Variants in NLRP2 observed in about 807,000 individuals in gnomAD.
The protein encoded by NLRP2 is NACHT, LRR and PYD domains-containing protein 2.
A neutral mutation model predicts 97.2 loss-of-function variants in NLRP2; 107 were observed. That is an observed-to-expected ratio of 1.10 (90% CI 0.94 to 1.29). NLRP2 has a LOEUF of 1.29. Among genes scored for constraint, NLRP2 ranks in the 50% most tolerant of loss-of-function variants. The pLI is 0.00. For missense variants in NLRP2, 1,495 were observed against 1,330.3 expected (o/e 1.12, Z -1.93); for synonymous variants, 663 against 551.5 (o/e 1.20, Z -2.83).
In NLRP2 at chr19:54,982,432, TCAGCTGCAGGGAGCTCAGC is replaced by T. The variant is rs2071645079; in HGVS notation, c.736_754del (p.Ser246AlafsTer26). On this transcript the variant is annotated frameshift_variant, in exon 6 of 13. Transcript: ENST00000448584. LOFTEE classifies it high-confidence loss of function. ...CACAAATTCAAATATGCGTTCTACCTCAGCTGCAGGGAGCTCAGCCGCCTGGGCCCGTGCAGTTTTGCAG... is the reference window on the plus strand; with the variant it reads ...CACAAATTCAAATATGCGTTCTACCTCGCCTGGGCCCGTGCAGTTTTGCAG... 1 of 1,613,992 alleles carries T rather than the reference TCAGCTGCAGGGAGCTCAGC, an allele frequency of 6.2e-7. No individual in the cohort carries two copies. The highest frequency in any genetic ancestry group is 1.3e-5 in the African/African-American group (1 of 74,920).
At chr19:54,969,147 G>A (rs963801608) in intron 1 of NLRP2, among the ~76,000 whole-genome samples, 6 of 151,972 alleles carry the variant, frequency 3.9e-5, no homozygotes, top group African/African-American at 1.5e-4. Context: ...GAGTGTTTTC[G>A]CTTTATAGGT....
chr19:54,971,436 C>T (rs957897303), intron 2 of NLRP2, among the ~76,000 whole-genome samples: 4 of 152,104 alleles, frequency 2.6e-5, no homozygotes, highest in African/African-American at 4.8e-5. Flanking sequence ...ACAGTCCCAC[C>T]AACAGTGTGA....
In NLRP2 at chr19:54,968,701, C is replaced by CTTTTTTTTTT. The variant is rs61212213; in HGVS notation, c.-17-1295_-17-1286dup. Among the ~76,000 whole-genome samples the CTTTTTTTTTT allele has an allele frequency of 1.9e-3, 216 of 114,326 alleles. 11 individuals carry two copies. Among genetic ancestry groups the CTTTTTTTTTT allele is most frequent in the Middle Eastern group, 4.4e-3 (1 of 226 alleles). 75.0% of individuals were successfully genotyped at this position (114,326 alleles called of 152,430 possible). A position where few individuals can be genotyped will look rare whatever the true frequency, so the allele number is the denominator to read the frequency against. On this transcript the variant is annotated intron_variant, in intron 1 of 12. Transcript: ENST00000448584. Reference sequence around the variant, plus strand: ...CTCCACCACTAAGTTATCTTTAAGCCTTTTTTTTTTTTGAGACAGTTTCAC... The same window carrying CTTTTTTTTTT: ...CTCCACCACTAAGTTATCTTTAAGCCTTTTTTTTTTTTTTTTTTTTTTGAGACAGTTTCAC...
chr19:54,997,215 G>A, intron 11 of NLRP2, 102 bp from the exon 12 acceptor site: 1 of 1,224,658 alleles, frequency 8.2e-7, no homozygotes, highest in Non-Finnish European at 1.2e-6. Context: ...TGAGACTTCT[G>A]TTGGTCATGC....
chr19:54,994,436 T>C lies in NLRP2; in HGVS notation c.2876T>C (p.Leu959Pro), dbSNP rs1405144466. The C allele has an allele frequency of 6.2e-7, 1 of 1,612,600 alleles. No homozygotes were observed. Among genetic ancestry groups the C allele is most frequent in the Non-Finnish European group, 8.5e-7 (1 of 1,179,940 alleles). Residue 959 changes from leucine (L) to proline (P), a missense_variant, in exon 11 of 13, where the codon CTG (leucine) becomes CCG (proline). Leu to Pro is a moderately conservative substitution (Grantham distance 98). Transcript: ENST00000448584. ...AAACCACTGTGCAACTTGAGATGTCTGTGGTGAGTTAACTTATAAGTTCAA... is the reference window on the plus strand; with the variant it reads ...AAACCACTGTGCAACTTGAGATGTCCGTGGTGAGTTAACTTATAAGTTCAA... Reference protein sequence around the residue: ...LRKPLCNLRCLWLWGCSIPPF... With the variant: ...LRKPLCNLRCPWLWGCSIPPF...
intron 12 of NLRP2, among the ~76,000 whole-genome samples, chr19:54,998,562 A>G (rs1213173056): frequency 0.014 from 903 of 65,668 alleles, 10 homozygotes; most frequent in African/African-American, 0.054. Context: ...TTTATTTATT[A>G]TTTATTTTGG....
chr19:54,999,173 G>C (rs2073042775), intron 12 of NLRP2, among the ~76,000 whole-genome samples: 1 of 151,750 alleles, frequency 6.6e-6, no homozygotes, highest in African/African-American at 2.4e-5. Flanking sequence ...CCCGGCCAGA[G>C]TTTTACTCTT....
intron 11 of NLRP2, among the ~76,000 whole-genome samples, chr19:54,995,023 T>TG (rs2072727638): frequency 6.7e-6 from 1 of 150,058 alleles, no homozygotes; most frequent in Non-Finnish European, 1.5e-5. Context: ...TTCAGAGAGG[T>TG]GGGAATTGGG....
At chr19:54,969,598 T>A (rs2070714392) in intron 1 of NLRP2, among the ~76,000 whole-genome samples, 2 of 152,084 alleles carry the variant, frequency 1.3e-5, no homozygotes, top group Admixed American at 1.3e-4. Context: ...GAGGTTGCAG[T>A]GAGCTGAGAT....
intron 5 of NLRP2, 60 bp from the exon 6 acceptor site, chr19:54,982,102 G>A (rs1414189886): frequency 1.2e-6 from 2 of 1,609,518 alleles, no homozygotes; most frequent in East Asian, 2.2e-5. Context: ...TGTTATTTTG[G>A]TTTTCCCTAT....
chr19:54,992,556 C>CTTTTTTTTTTTTTTT (rs71181721), intron 10 of NLRP2, among the ~76,000 whole-genome samples: 1 of 82,542 alleles, frequency 1.2e-5, no homozygotes, highest in African/African-American at 5.2e-5. Context: ...GGGGGGTTTT[C>CTTTTTTTTTTTTTTT]TTTTTTTTTT....
In NLRP2 at chr19:54,982,521, C is replaced by A. The variant is rs138041237; in HGVS notation, c.823C>A (p.His275Asn). ...DWPELQDDIP[H>N]ILAQARKILF... ...GCCTGAATTGCAGGATGACATTCCA[C>A]ACATCCTAGCCCAAGCACGGAAAAT... The change falls in exon 6 of 13, where the codon CAC (histidine) becomes AAC (asparagine). Residue 275 changes from histidine (H) to asparagine (N), a missense_variant. His to Asn is a moderately conservative substitution (Grantham distance 68). Transcript: ENST00000448584. 4 of 1,614,212 alleles carry A rather than the reference C, an allele frequency of 2.5e-6. No homozygotes were observed. Among genetic ancestry groups the A allele is most frequent in the African/African-American group, 1.3e-5 (1 of 75,052 alleles).
At position 54,970,053 on chromosome 19, in the gene NLRP2, C is replaced by G. The variant is rs374086849; in HGVS notation, c.38C>G (p.Ala13Gly). 1.6e-5 allele frequency: 26 copies of G among 1,613,912 alleles called. No homozygotes were observed. In the African/African-American group the frequency reaches 3.2e-4, roughly 20 times the overall value. The change falls in exon 2 of 13, where the codon GCT (alanine) becomes GGT (glycine). Residue 13 changes from alanine to glycine, a missense_variant. Coordinates refer to ENST00000448584, the MANE Select transcript of NLRP2 (RefSeq NM_017852.5). Reference protein sequence around the residue: ...SSAQMGFNLQALLEQLSQDEL... With the variant: ...SSAQMGFNLQGLLEQLSQDEL... Reference sequence around the variant, plus strand: ...GCGCAGATGGGCTTCAACCTGCAGGCTCTCCTGGAGCAGCTCAGCCAGGAT... The same window carrying G: ...GCGCAGATGGGCTTCAACCTGCAGGGTCTCCTGGAGCAGCTCAGCCAGGAT...
intron 8 of NLRP2, chr19:54,989,549 A>G (rs2146496258): frequency 4.1e-6 from 1 of 241,728 alleles, no homozygotes; most frequent in South Asian, 6.0e-5. Flanking sequence ...TAAGTTCTGT[A>G]TTTCCAGCTG....
chr19:54,992,190 G>A (rs1230888162), intron 10 of NLRP2, among the ~76,000 whole-genome samples: 6 of 151,918 alleles, frequency 3.9e-5, no homozygotes, highest in Non-Finnish European at 7.4e-5. Context: ...AGGATTTACA[G>A]GCATGAGCCA....
At position 54,985,077 on chromosome 19, in the gene NLRP2, C is replaced by T. The variant is rs1267536202; in HGVS notation, c.2061C>T (p.Phe687=). Reference sequence around the variant, plus strand: ...AGGATGATCAGCACATGCTTCCTTTCTGGACGGACCTTTGTTCCATATTTG... The same window carrying T: ...AGGATGATCAGCACATGCTTCCTTTTTGGACGGACCTTTGTTCCATATTTG... The part of the protein sequence containing the change: ...RSQDDQHMLP[F]WTDLCSIFGS... Residue 687 remains phenylalanine, a synonymous_variant, in exon 7 of 13, where the codon TTC becomes TTT. Transcript: ENST00000448584. The T allele has an allele frequency of 1.2e-6, 2 of 1,614,150 alleles. No homozygotes were observed. The highest frequency in any genetic ancestry group is 1.7e-5 in the Admixed American group (1 of 60,002).
At chr19:54,985,407 G>A (rs2071990147) in intron 7 of NLRP2, among the ~76,000 whole-genome samples, 190 bp downstream of exon 7, 1 of 152,174 alleles carries the variant, frequency 6.6e-6, no homozygotes, top group Non-Finnish European at 1.5e-5. Context: ...GCTGGGCATG[G>A]TGGTTCACAC....
At chr19:54,990,389 A>G (rs2072391073) in intron 9 of NLRP2, 113 bp from the exon 10 acceptor site, 2 of 1,182,316 alleles carry the variant, frequency 1.7e-6, no homozygotes, top group East Asian at 4.7e-5. Flanking sequence ...AGTGCATGAT[A>G]GAAGGTGGGG....
rs201735558 is a variant in NLRP2 at position 54,983,640 on chromosome 19, C to T, written c.1942C>T (p.Arg648Ter). The T allele has an allele frequency of 3.7e-6, 6 of 1,613,996 alleles. No homozygotes were observed. The highest frequency in any genetic ancestry group is 1.1e-5 in the South Asian group (1 of 91,072). Residue 648 changes from arginine to a stop codon, truncating the protein, a stop_gained, in exon 6 of 13, where the codon CGA (arginine) becomes TGA (stop). Transcript: ENST00000448584. LOFTEE classifies it high-confidence loss of function. ...VPSSFCVKHC[R>*]NLQKMSLQVI... ...ATCTTCATTCTGCGTCAAGCACTGT[C>T]GAAACCTGCAGAAAATGTCACTGCA...
Sources: allele counts gnomAD v4.1 joint callset (sites outside exome capture counted in the v4.1 genomes callset), GRCh38; gene constraint gnomAD v4.1.1; transcripts MANE v1.5; gene names NCBI Gene and HGNC (gene_info 2026-07-23, HGNC 2026-07-21).